Variants in JAKMIP3 observed in about 807,000 individuals in gnomAD.
The protein encoded by JAKMIP3 is Janus kinase and microtubule interacting protein 3, also known as janus kinase and microtubule-interacting protein 3.
Under a neutral mutation model 118.5 loss-of-function variants are expected in JAKMIP3, and 58 were observed. That is an observed-to-expected ratio of 0.49 (90% CI 0.40 to 0.61). The LOEUF is 0.61. Ranked by LOEUF, JAKMIP3 falls within the 20% of genes least tolerant of loss-of-function variation. JAKMIP3 has a pLI of 0.00. For missense variants in JAKMIP3, 950 were observed against 1,109.0 expected (o/e 0.86, Z 2.04); for synonymous variants, 486 against 451.2 (o/e 1.08, Z -0.98).
At chr10:132,178,879 T>A (rs2060434169) in intron 23 of JAKMIP3, among the ~76,000 whole-genome samples, 2 of 152,210 alleles carry the variant, frequency 1.3e-5, no homozygotes, top group South Asian at 4.2e-4. Context: ...CAGGGGCCTG[T>A]TCCTCCGGCT....
chr10:132,114,329 T>A (rs2047308922), intron 2 of JAKMIP3, among the ~76,000 whole-genome samples: 1 of 152,236 alleles, frequency 6.6e-6, no homozygotes, highest in Non-Finnish European at 1.5e-5. Context: ...ATCCTCCCAC[T>A]TCATCTTCCC....
chr10:132,142,446 C>T (rs1053383466), intron 11 of JAKMIP3, among the ~76,000 whole-genome samples: 2 of 151,992 alleles, frequency 1.3e-5, no homozygotes, highest in African/African-American at 4.8e-5. Flanking sequence ...GGTCATTCAT[C>T]CTCAAAGGCT....
At chr10:132,081,391 G>A (rs538491763) in intron 1 of JAKMIP3, among the ~76,000 whole-genome samples, 11 of 152,280 alleles carry the variant, frequency 7.2e-5, no homozygotes, top group African/African-American at 2.2e-4. Context: ...GTAGGAGCAA[G>A]CTATATTTTT....
chr10:132,117,919 C>T lies in JAKMIP3; in HGVS notation c.633+345C>T, dbSNP rs903216005. Among the ~76,000 whole-genome samples the T allele has an allele frequency of 3.3e-5, 5 of 152,144 alleles. No individual in the cohort carries two copies. Among genetic ancestry groups the T allele is most frequent in the Non-Finnish European group, 5.9e-5 (4 of 68,030 alleles). Reference sequence around the variant, plus strand: ...AGAAATCGGCACTGCCCATCCACACCGCAGGGTTCACGGACATCTCTTCTT... The same window carrying T: ...AGAAATCGGCACTGCCCATCCACACTGCAGGGTTCACGGACATCTCTTCTT... On this transcript the variant is annotated intron_variant, in intron 3 of 23. Coordinates refer to ENST00000684848, the MANE Select transcript of JAKMIP3 (RefSeq NM_001323087.2). The surrounding 1 kb of genome is among the most constrained non-coding windows in gnomAD (Gnocchi z 8.6).
At chr10:132,062,539 G>T (rs1001354942), upstream of JAKMIP3, among the ~76,000 whole-genome samples, 10 of 152,254 alleles carry the variant, frequency 6.6e-5, no homozygotes, top group African/African-American at 2.4e-4. Flanking sequence ...GATGGACGAA[G>T]ATCTACACGC....
rs1269758793 is a variant in JAKMIP3, at chr10:132,118,738, C to A, written c.633+1164C>A. On this transcript the variant is annotated intron_variant, in intron 3 of 23. Coordinates refer to ENST00000684848, the MANE Select transcript of JAKMIP3 (RefSeq NM_001323087.2). This position sits in a 1 kb window ranked among gnomAD's most constrained non-coding sequence, Gnocchi z 4.8. Reference sequence around the variant, plus strand: ...CAAAGTGGTCCCTGTTCCAACCTCCCCTACACCTCTTCGCCCTGTCCCAAG... The same window carrying A: ...CAAAGTGGTCCCTGTTCCAACCTCCACTACACCTCTTCGCCCTGTCCCAAG... Among the ~76,000 whole-genome samples, 1 of 152,232 alleles carries A rather than the reference C, an allele frequency of 6.6e-6. No individual in the cohort carries two copies. The highest frequency in any genetic ancestry group is 1.5e-5 in the Non-Finnish European group (1 of 68,042).
chr10:132,108,945 ATT>A (rs1232275136), intron 2 of JAKMIP3, among the ~76,000 whole-genome samples: 5 of 149,398 alleles, frequency 3.3e-5, no homozygotes, highest in Non-Finnish European at 7.4e-5. Context: ...GTATATATAA[ATT>A]ATATACGCAA....
chr10:132,146,874 G>A (rs1440402365), intron 13 of JAKMIP3, among the ~76,000 whole-genome samples: 4 of 152,216 alleles, frequency 2.6e-5, no homozygotes, highest in South Asian at 2.1e-4. Flanking sequence ...TGTGTGCCAC[G>A]TAAATGCCGG....
At chr10:132,166,676 A>C (rs1351410135) in intron 21 of JAKMIP3, among the ~76,000 whole-genome samples, 2 of 152,222 alleles carry the variant, frequency 1.3e-5, no homozygotes, top group Non-Finnish European at 2.9e-5. Flanking sequence ...GAGGAGACCC[A>C]GTCCCCGGGA....
intron 1 of JAKMIP3, among the ~76,000 whole-genome samples, chr10:132,059,593 G>T (rs1025215843): frequency 2.6e-5 from 4 of 152,198 alleles, no homozygotes; most frequent in Admixed American, 1.3e-4. Flanking sequence ...TGCCGAGGCC[G>T]ACCCCTCAGG....
In JAKMIP3 at chr10:132,149,436, A is replaced by G. The variant is rs1013203530; in HGVS notation, c.1873A>G (p.Ile625Val). The G allele has an allele frequency of 6.2e-7, 1 of 1,605,392 alleles. No homozygotes were observed. Among genetic ancestry groups the G allele is most frequent in the Non-Finnish European group, 8.5e-7 (1 of 1,176,804 alleles). Residue 625 changes from isoleucine to valine, a missense_variant, in exon 15 of 24, where the codon ATC becomes GTC. Transcript: ENST00000684848. ...LEERERKSPA[I>V]SFHHTPFVDG... ...GGAGAGGGAGAGGAAGTCACCCGCC[A>G]TCAGCTTCCACCACACGCCCTTCGT...
intron 3 of JAKMIP3, among the ~76,000 whole-genome samples, chr10:132,123,673 A>G (rs867254): frequency 0.027 from 4,094 of 152,264 alleles, 192 homozygotes; most frequent in African/African-American, 0.093. Context: ...GAGTCTGGGC[A>G]TGAGTGTGTC....
At chr10:132,079,960 ATAC>A (rs2041505426) in intron 1 of JAKMIP3, among the ~76,000 whole-genome samples, 1 of 152,220 alleles carries the variant, frequency 6.6e-6, no homozygotes, top group Non-Finnish European at 1.5e-5. Context: ...GCCATGGTGG[ATAC>A]TGCTGCTGTG....
rs188212752 is a variant in JAKMIP3, at chr10:132,123,087, G to A, written c.633+5513G>A. ...CTCCTGGAGAAGCTGGGCTCCCAGCGGCTTTCTTGGCCAAATTTCTGCTAA... is the reference window on the plus strand; with the variant it reads ...CTCCTGGAGAAGCTGGGCTCCCAGCAGCTTTCTTGGCCAAATTTCTGCTAA... On this transcript the variant is annotated intron_variant, in intron 3 of 23. Coordinates refer to ENST00000684848, the MANE Select transcript of JAKMIP3 (RefSeq NM_001323087.2). 4.8e-3 allele frequency among the ~76,000 whole-genome samples: 724 copies of A among 152,320 alleles called. 5 individuals are homozygous for A. The highest frequency in any genetic ancestry group is 0.017 in the Middle Eastern group (5 of 294).
intron 3 of JAKMIP3, among the ~76,000 whole-genome samples, chr10:132,132,904 C>T (rs994484946): frequency 3.3e-5 from 5 of 152,238 alleles, no homozygotes; most frequent in African/African-American, 4.8e-5. Context: ...TTCCTATTGG[C>T]AGAGTGTGGG....
chr10:132,096,443 G>A (rs1298280332), intron 1 of JAKMIP3, among the ~76,000 whole-genome samples: 2 of 152,172 alleles, frequency 1.3e-5, no homozygotes. Flanking sequence ...GAGCCCTGGA[G>A]CCGACGGCTG....
At chr10:132,106,172 A>C (rs1319365720) in intron 2 of JAKMIP3, among the ~76,000 whole-genome samples, 1 of 81,768 alleles carries the variant, frequency 1.2e-5, no homozygotes, top group African/African-American at 6.1e-5. Flanking sequence ...TCATCTCTAC[A>C]AAAAAAAATG....
chr10:132,045,615 G>A (rs2037884806), intron 1 of JAKMIP3, among the ~76,000 whole-genome samples: 2 of 152,150 alleles, frequency 1.3e-5, no homozygotes, highest in South Asian at 2.1e-4. Flanking sequence ...TATGATATGT[G>A]TTTATAATTC....
intron 1 of JAKMIP3, among the ~76,000 whole-genome samples, chr10:132,101,179 T>C (rs1318332275): frequency 6.6e-6 from 1 of 152,150 alleles, no homozygotes; most frequent in African/African-American, 2.4e-5. Context: ...GGGAGCTTTT[T>C]CTGCAATGTA....
Sources: gnomAD v4.1 joint callset for allele counts (sites outside exome capture counted in the v4.1 genomes callset) on GRCh38, gnomAD v4.1.1 for gene constraint, Gnocchi (gnomAD v3.1) non-coding constraint, MANE v1.5 for transcripts, NCBI Gene and HGNC (gene_info 2026-07-23, HGNC 2026-07-21) for gene names.